The following CPLX1 variants were observed in gnomAD, a reference collection of about 807,000 sequenced individuals.
CPLX1 encodes the protein complexin 1.
A neutral mutation model predicts 15.6 loss-of-function variants in CPLX1; 6 were observed. The ratio of observed to expected loss-of-function variants is 0.39; its 90% CI spans 0.21 to 0.76. CPLX1 has a LOEUF of 0.76. Among genes scored for constraint, CPLX1 ranks in the 30% least tolerant of loss-of-function variants. CPLX1 has a pLI of 0.43. For missense variants in CPLX1, 242 were observed against 188.6 expected (o/e 1.28, Z -1.66); for synonymous variants, 91 against 75.2 (o/e 1.21, Z -1.08).
chr4:821,017 A>C (rs376223985), intron 2 of CPLX1, among the ~76,000 whole-genome samples: 10 of 151,994 alleles, frequency 6.6e-5, no homozygotes, highest in African/African-American at 2.4e-4. Context: ...CCCTCACGCC[A>C]AACCCAGGAC....
intron 2 of CPLX1, among the ~76,000 whole-genome samples, chr4:803,342 G>T (rs1258509530): frequency 1.3e-5 from 2 of 152,184 alleles, no homozygotes; most frequent in Non-Finnish European, 2.9e-5. Flanking sequence ...CAGGCCGCAT[G>T]TACGACAGTG....
intron 2 of CPLX1, among the ~76,000 whole-genome samples, chr4:794,644 G>A (rs928063627): frequency 5.3e-5 from 8 of 152,196 alleles, no homozygotes; most frequent in Non-Finnish European, 8.8e-5. Context: ...GACTGCCTTT[G>A]TGCAAATCTT....
At chr4:811,016 A>G (rs1746658150) in intron 2 of CPLX1, among the ~76,000 whole-genome samples, 1 of 150,472 alleles carries the variant, frequency 6.6e-6, no homozygotes, top group Non-Finnish European at 1.5e-5. Flanking sequence ...CCTTTTTTAT[A>G]AGAGGTGGGA....
intron 1 of CPLX1, among the ~76,000 whole-genome samples, chr4:825,769 G>A (rs1746969467): frequency 6.6e-6 from 1 of 151,206 alleles, no homozygotes; most frequent in South Asian, 2.1e-4. Context: ...CGGGGGCTGC[G>A]GGGAGAAGCC....
chr4:802,102 G>A (rs7677766), intron 2 of CPLX1, among the ~76,000 whole-genome samples: 53,871 of 152,136 alleles, frequency 0.35, 10,298 homozygotes, highest in African/African-American at 0.5. Context: ...GGCAGGAACA[G>A]GAATGTTCAT....
intron 3 of CPLX1, among the ~76,000 whole-genome samples, chr4:791,668 T>G (rs933207661): frequency 1.7e-4 from 26 of 152,178 alleles, no homozygotes; most frequent in African/African-American, 6.3e-4. Context: ...GGCAGGGGAC[T>G]GAGGCCACCT....
chr4:804,775 T>C, intron 2 of CPLX1: 1 of 985,404 alleles, frequency 1.0e-6, no homozygotes, highest in Non-Finnish European at 1.2e-6. Flanking sequence ...GCTCGGGAAG[T>C]GCCTGCAGAG....
chr4:817,912 G>A lies in CPLX1; in HGVS notation c.31+6580C>T, dbSNP rs568969821. ...GTATCTCAGAATATTTTCCCCATCC[G>A]GTGTCAAGGAATAAACCAGCATCTG... On this transcript the variant is annotated intron_variant, in intron 2 of 3. Coordinates refer to ENST00000304062, the MANE Select transcript of CPLX1 (RefSeq NM_006651.4). Among the ~76,000 whole-genome samples the A allele has an allele frequency of 6.6e-5, 10 of 152,274 alleles. No homozygotes were observed. The East Asian group carries it at 1.2e-3, about 18-fold the overall frequency.
At chr4:787,213 G>C (rs3816683) in intron 3 of CPLX1, 15 of 985,202 alleles carry the variant, frequency 1.5e-5, no homozygotes, top group Non-Finnish European at 1.6e-5. Flanking sequence ...CTGGCAGGCC[G>C]CTGCAGCTCC....
At chr4:792,723 A>T in intron 2 of CPLX1, 115 bp from the exon 3 acceptor site, 1 of 1,074,722 alleles carries the variant, frequency 9.3e-7, no homozygotes, top group Non-Finnish European at 1.3e-6. Flanking sequence ...CATCCACTCG[A>T]CCCTCTGGCT....
chr4:804,980 G>A, intron 2 of CPLX1: 1 of 975,582 alleles, frequency 1.0e-6, no homozygotes, highest in Admixed American at 6.1e-5. Flanking sequence ...CGGCCGGCTA[G>A]GGCGGGTGCT....
chr4:788,883 T>C (rs1029691481), intron 3 of CPLX1, among the ~76,000 whole-genome samples: 6 of 152,190 alleles, frequency 3.9e-5, no homozygotes, highest in African/African-American at 1.4e-4. Flanking sequence ...CAGAGGAGCA[T>C]GCCTGTAACG....
rs1745992055 is a variant in CPLX1 at position 786,474 on chromosome 4, T to C, written c.*27A>G. 2 of 1,519,676 alleles carry C rather than the reference T, an allele frequency of 1.3e-6. No individual in the cohort carries two copies. Among genetic ancestry groups the C allele is most frequent in the Non-Finnish European group, 1.8e-6 (2 of 1,129,226 alleles). The allele number at this position is 1,519,676 out of a possible 1,614,324, so 94.1% of individuals were successfully genotyped here. ...GATCTGTAGGGGGAGGGGCGGGGGC[T>C]CCGCGGGGCCGCTGTCCCGCGCGCG... is the stretch of plus-strand genomic sequence containing the variant. On this transcript the variant is annotated 3_prime_UTR_variant, in exon 4 of 4. Transcript: ENST00000304062.
At chr4:788,931 G>A (rs1746084745) in intron 3 of CPLX1, among the ~76,000 whole-genome samples, 1 of 152,246 alleles carries the variant, frequency 6.6e-6, no homozygotes, top group African/African-American at 2.4e-5. Flanking sequence ...AACCTCCCAG[G>A]TCAGGGGAGT....
chr4:821,054 G>C (rs1234350849), intron 2 of CPLX1, among the ~76,000 whole-genome samples: 2 of 152,150 alleles, frequency 1.3e-5, no homozygotes, highest in Non-Finnish European at 2.9e-5. Flanking sequence ...GTTCTCCCCA[G>C]ATGTTCACCT....
At chr4:800,361 G>T (rs866975316) in intron 2 of CPLX1, among the ~76,000 whole-genome samples, 2 of 152,058 alleles carry the variant, frequency 1.3e-5, no homozygotes. Context: ...TAGGCCGGGC[G>T]CAGTGGCTCA....
chr4:794,782 G>T (rs1157717807), intron 2 of CPLX1, among the ~76,000 whole-genome samples: 1 of 152,244 alleles, frequency 6.6e-6, no homozygotes, highest in Non-Finnish European at 1.5e-5. Flanking sequence ...TCTCCTGATG[G>T]AAGGGGTTCC....
chr4:801,055 C>T (rs1746446691), intron 2 of CPLX1, among the ~76,000 whole-genome samples: 1 of 151,062 alleles, frequency 6.6e-6, no homozygotes, highest in Non-Finnish European at 1.5e-5. Flanking sequence ...TGGCTCACAC[C>T]TGTAATCCCA....
At chr4:801,226 G>A (rs1429024742) in intron 2 of CPLX1, among the ~76,000 whole-genome samples, 1 of 151,830 alleles carries the variant, frequency 6.6e-6, no homozygotes, top group East Asian at 1.9e-4. Flanking sequence ...GGAGGCTGAG[G>A]CAGGAGAATT....
Sources: gnomAD v4.1 joint callset for allele counts (sites outside exome capture counted in the v4.1 genomes callset) on GRCh38, gnomAD v4.1.1 for gene constraint, MANE v1.5 for transcripts, NCBI Gene and HGNC (gene_info 2026-07-23, HGNC 2026-07-21) for gene names.